The following EYA4 variants were observed in gnomAD, a reference collection of about 807,000 sequenced individuals.
The protein encoded by EYA4 is protein phosphatase EYA4.
Under a neutral mutation model 87.9 loss-of-function variants are expected in EYA4, and 31 were observed. The ratio of observed to expected loss-of-function variants is 0.35; its 90% CI spans 0.27 to 0.48. The LOEUF (loss-of-function observed/expected upper bound fraction) is 0.48. EYA4 is among the 20% of genes least tolerant of loss of function. EYA4 has a pLI of 0.99. For synonymous variants in EYA4, 263 were observed against 270.6 expected (o/e 0.97, Z 0.28); for missense variants, 678 against 761.4 (o/e 0.89, Z 1.29).
At chr6:133,408,111 A>T (rs1788885710) in intron 3 of EYA4, among the ~76,000 whole-genome samples, 1 of 152,226 alleles carries the variant, frequency 6.6e-6, no homozygotes, top group Non-Finnish European at 1.5e-5. Context: ...ATTTTGCTAA[A>T]AAGTATTTAC....
chr6:133,504,324 C>A (rs146382350), intron 13 of EYA4, among the ~76,000 whole-genome samples: 1 of 152,258 alleles, frequency 6.6e-6, no homozygotes, highest in East Asian at 1.9e-4. Flanking sequence ...CACTGGAAGA[C>A]GGATGAATCC....
intron 3 of EYA4, among the ~76,000 whole-genome samples, chr6:133,385,440 T>TGTGTGTGTGA (rs1198712820): frequency 1.3e-4 from 14 of 103,962 alleles, no homozygotes; most frequent in African/African-American, 4.5e-4. Flanking sequence ...TGTGTGTGTG[T>TGTGTGTGTGA]GAGAGAGAGA....
chr6:133,313,378 C>T (rs1459310206), intron 2 of EYA4, among the ~76,000 whole-genome samples: 1 of 152,174 alleles, frequency 6.6e-6, no homozygotes, highest in African/African-American at 2.4e-5. Flanking sequence ...GATTGAGTAT[C>T]TAGCCACATG....
At chr6:133,510,982 A>G (rs536366508) in intron 14 of EYA4, among the ~76,000 whole-genome samples, 1 of 152,212 alleles carries the variant, frequency 6.6e-6, no homozygotes, top group Non-Finnish European at 1.5e-5. Context: ...ACTTCCAGTC[A>G]GATTAAATTT....
At chr6:133,290,408 CT>C (rs560268374) in intron 2 of EYA4, among the ~76,000 whole-genome samples, 256 of 152,228 alleles carry the variant, frequency 1.7e-3, no homozygotes, top group Non-Finnish European at 2.8e-3. Context: ...TTATTTTCCC[CT>C]ATTAACATTT....
At chr6:133,492,914 A>G (rs777594443) in intron 13 of EYA4, among the ~76,000 whole-genome samples, 2 of 152,216 alleles carry the variant, frequency 1.3e-5, no homozygotes, top group Admixed American at 6.5e-5. Context: ...GATCTCTACA[A>G]TGAAAACTGT....
At chr6:133,398,849 C>T (rs1329171734) in intron 3 of EYA4, among the ~76,000 whole-genome samples, 1 of 151,958 alleles carries the variant, frequency 6.6e-6, no homozygotes, top group Non-Finnish European at 1.5e-5. Context: ...AAACCTTGTC[C>T]CCAAATAAAA....
At chr6:133,438,817 T>C (rs1007421335) in intron 3 of EYA4, among the ~76,000 whole-genome samples, 1 of 151,778 alleles carries the variant, frequency 6.6e-6, no homozygotes, top group South Asian at 2.1e-4. Context: ...CCGAGGTGGG[T>C]GGATCACAAG....
intron 1 of EYA4, among the ~76,000 whole-genome samples, chr6:133,254,185 G>A (rs191031897): frequency 3.9e-5 from 6 of 152,250 alleles, no homozygotes; most frequent in African/African-American, 7.2e-5. Context: ...CAGATTTCTC[G>A]TTGAGGTTTA....
intron 7 of EYA4, 196 bp from the exon 8 acceptor site, chr6:133,462,139 C>G (rs535640826): frequency 1.2e-5 from 8 of 651,190 alleles, no homozygotes; most frequent in Non-Finnish European, 1.9e-5. Context: ...AATCATTTGT[C>G]TATGGTCACT....
chr6:133,494,552 A>G (rs1475273541), intron 13 of EYA4, among the ~76,000 whole-genome samples: 2 of 152,024 alleles, frequency 1.3e-5, no homozygotes, highest in Non-Finnish European at 1.5e-5. Context: ...AAAATAACTA[A>G]GAGAGTCCAG....
At chr6:133,424,213 C>T (rs1031751678) in intron 3 of EYA4, among the ~76,000 whole-genome samples, 4 of 152,160 alleles carry the variant, frequency 2.6e-5, no homozygotes, top group Non-Finnish European at 5.9e-5. Flanking sequence ...AGGGCTTTTA[C>T]AGACCTCAGA....
intron 2 of EYA4, among the ~76,000 whole-genome samples, chr6:133,327,430 T>C (rs1328595440): frequency 6.6e-6 from 1 of 152,130 alleles, no homozygotes; most frequent in Non-Finnish European, 1.5e-5. Flanking sequence ...CAGCACCTGG[T>C]CTTTAAAATA....
chr6:133,292,821 A>G (rs1018231429), intron 2 of EYA4, among the ~76,000 whole-genome samples: 3 of 152,096 alleles, frequency 2.0e-5, no homozygotes, highest in Non-Finnish European at 2.9e-5. Context: ...CTGAATGTCA[A>G]CCCTTTGGCA....
At chr6:133,466,513 C>A (rs1241624435) in intron 10 of EYA4, among the ~76,000 whole-genome samples, 1 of 152,068 alleles carries the variant, frequency 6.6e-6, no homozygotes, top group Admixed American at 6.6e-5. Flanking sequence ...ATAGAGCTTA[C>A]AGCCTACTGG....
intron 3 of EYA4, among the ~76,000 whole-genome samples, chr6:133,407,049 G>T (rs1471671662): frequency 1.3e-5 from 2 of 152,070 alleles, no homozygotes; most frequent in Non-Finnish European, 2.9e-5. Flanking sequence ...ATATCTCAGT[G>T]TAATACATAA....
At chr6:133,357,257 C>G (rs369725756) in intron 2 of EYA4, among the ~76,000 whole-genome samples, 1 of 110,164 alleles carries the variant, frequency 9.1e-6, no homozygotes, top group Non-Finnish European at 1.6e-5. Context: ...GGCGACAGAG[C>G]GAGACTCCGT....
intron 10 of EYA4, among the ~76,000 whole-genome samples, chr6:133,467,093 G>A (rs539497709): frequency 6.6e-6 from 1 of 152,234 alleles, no homozygotes; most frequent in East Asian, 1.9e-4. Context: ...GGGCGACAGT[G>A]GAAATGAAAA....
At chr6:133,363,889 GA>G (rs1784659965) in intron 2 of EYA4, among the ~76,000 whole-genome samples, 1 of 152,202 alleles carries the variant, frequency 6.6e-6, no homozygotes, top group South Asian at 2.1e-4. Context: ...GCAAATTTAG[GA>G]ATGCAGCCAG....
Sources: gnomAD v4.1 joint callset for allele counts (sites outside exome capture counted in the v4.1 genomes callset) on GRCh38, gnomAD v4.1.1 for gene constraint, MANE v1.5 for transcripts, NCBI Gene and HGNC (gene_info 2026-07-23, HGNC 2026-07-21) for gene names.